DLG2: variants seen among roughly 807,000 people sequenced by gnomAD.
The protein encoded by DLG2 is disks large homolog 2.
Under a neutral mutation model 132.5 loss-of-function variants are expected in DLG2, and 45 were observed. The ratio of observed to expected loss-of-function variants is 0.34; its 90% CI spans 0.27 to 0.44. The LOEUF is 0.44. Among genes scored for constraint, DLG2 ranks in the 20% least tolerant of loss-of-function variants. The pLI, the probability that DLG2 is intolerant of heterozygous loss-of-function variation, is 1.00. For missense variants in DLG2, 1,045 were observed against 1,196.9 expected (o/e 0.87, Z 1.87); for synonymous variants, 424 against 419.6 (o/e 1.01, Z -0.13).
rs112028575 is a variant in DLG2, at chr11:83,610,080, A to G, written c.1940+23131T>C. 3.6e-3 allele frequency among the ~76,000 whole-genome samples: 543 copies of G among 152,308 alleles called. 3 individuals are homozygous for G. Among genetic ancestry groups the G allele is most frequent in the African/African-American group, 0.013 (527 of 41,570 alleles). ...GTAAAAATATTGAAATGCTACTGGT[A>G]AGAATGTCCCCTTTTCATGTCCAGT... On this transcript the variant is annotated intron_variant, in intron 19 of 27. Coordinates refer to ENST00000376104, the MANE Select transcript of DLG2 (RefSeq NM_001142699.3).
At chr11:85,287,869 C>T (rs2078657936) in intron 3 of DLG2, among the ~76,000 whole-genome samples, 1 of 151,950 alleles carries the variant, frequency 6.6e-6, no homozygotes, top group South Asian at 2.1e-4. Context: ...GTGAATAAAG[C>T]AAGTTGCAAT....
intron 10 of DLG2, among the ~76,000 whole-genome samples, chr11:84,095,030 A>T (rs1378774051): frequency 6.6e-6 from 1 of 152,144 alleles, no homozygotes. Flanking sequence ...CCTATTTTTT[A>T]AAAATGGTCT....
chr11:84,806,375 A>G (rs1394285283), intron 6 of DLG2, among the ~76,000 whole-genome samples: 1 of 152,218 alleles, frequency 6.6e-6, no homozygotes, highest in Non-Finnish European at 1.5e-5. Context: ...TGTGCAGGCA[A>G]TGATACATTA....
At chr11:85,132,078 T>C (rs949599237) in intron 5 of DLG2, among the ~76,000 whole-genome samples, 4 of 152,154 alleles carry the variant, frequency 2.6e-5, no homozygotes, top group Non-Finnish European at 4.4e-5. Context: ...CAGAATAAAA[T>C]AAAATGCTTT....
In DLG2 at chr11:85,347,967, C is replaced by CTTTTTTTTT. The variant is rs35083224; in HGVS notation, c.41-62611_41-62603dup. Among the ~76,000 whole-genome samples the CTTTTTTTTT allele has an allele frequency of 5.0e-5, 2 of 40,366 alleles. 1 individual carries two copies. Among genetic ancestry groups the CTTTTTTTTT allele is most frequent in the Admixed American group, 7.6e-4 (2 of 2,618 alleles). The allele number at this position is 40,366 out of a possible 152,430, so 26.5% of individuals were successfully genotyped here. A position where few individuals can be genotyped will look rare whatever the true frequency, so the allele number is the denominator to read the frequency against. On this transcript the variant is annotated intron_variant, in intron 3 of 27. Coordinates refer to ENST00000376104, the MANE Select transcript of DLG2 (RefSeq NM_001142699.3). ...TACAGACTCATGCCACCACACTTAA[C>CTTTTTTTTT]TTTTTTTTTTTTTTTTTTTTTTTTT...
At chr11:84,460,888 T>G (rs538235724) in intron 7 of DLG2, among the ~76,000 whole-genome samples, 1 of 150,872 alleles carries the variant, frequency 6.6e-6, no homozygotes, top group South Asian at 2.1e-4. Context: ...TAAATCCACA[T>G]TCTAAGTGAA....
chr11:85,317,231 A>T (rs2080746330), intron 3 of DLG2, among the ~76,000 whole-genome samples: 1 of 151,974 alleles, frequency 6.6e-6, no homozygotes, highest in Admixed American at 6.6e-5. Flanking sequence ...AAAGCTGCAG[A>T]CATAGACGGG....
At chr11:84,948,395 T>TGGCA (rs1207052407) in intron 6 of DLG2, among the ~76,000 whole-genome samples, 3 of 152,218 alleles carry the variant, frequency 2.0e-5, no homozygotes, top group Non-Finnish European at 2.9e-5. Context: ...TAAGCCCTGA[T>TGGCA]GGCAGTCATG....
chr11:84,913,649 TCATATA>T (rs2154078883), intron 6 of DLG2, among the ~76,000 whole-genome samples: 1 of 152,288 alleles, frequency 6.6e-6, no homozygotes, highest in African/African-American at 2.4e-5. Flanking sequence ...AGACATGCAT[TCATATA>T]CATATATATA....
chr11:84,234,418 G>A (rs563514687), intron 8 of DLG2, among the ~76,000 whole-genome samples: 6 of 152,226 alleles, frequency 3.9e-5, no homozygotes, highest in Middle Eastern at 3.4e-3. Flanking sequence ...GCAGAACCCC[G>A]TATGGATTCA....
intron 18 of DLG2, among the ~76,000 whole-genome samples, chr11:83,698,429 C>T (rs2082294651): frequency 6.6e-6 from 1 of 152,082 alleles, no homozygotes; most frequent in African/African-American, 2.4e-5. Context: ...TGTGAGTGAA[C>T]CTGAACTGTA....
intron 19 of DLG2, among the ~76,000 whole-genome samples, chr11:83,577,536 C>T (rs1285044448): frequency 3.2e-5 from 3 of 94,320 alleles, no homozygotes; most frequent in Non-Finnish European, 5.6e-5. Flanking sequence ...AGTCAGGGTT[C>T]CCTAGAGGGA....
chr11:84,937,754 T>A (rs979333847), intron 6 of DLG2, among the ~76,000 whole-genome samples: 1 of 152,176 alleles, frequency 6.6e-6, no homozygotes, highest in Non-Finnish European at 1.5e-5. Context: ...GTAAAGGGAA[T>A]TGAAATTTGA....
intron 10 of DLG2, among the ~76,000 whole-genome samples, chr11:84,093,916 T>C (rs1351592237): frequency 6.6e-6 from 1 of 151,902 alleles, no homozygotes; most frequent in Non-Finnish European, 1.5e-5. Flanking sequence ...CGCCTATTCG[T>C]GAGTGGCATT....
chr11:84,630,732 T>A (rs187131149), intron 6 of DLG2, among the ~76,000 whole-genome samples: 1 of 152,258 alleles, frequency 6.6e-6, no homozygotes, highest in East Asian at 1.9e-4. Context: ...TTCACCTCAA[T>A]ATTATTCTGA....
At chr11:84,697,481 AT>A (rs910059321) in intron 6 of DLG2, among the ~76,000 whole-genome samples, 1 of 151,450 alleles carries the variant, frequency 6.6e-6, no homozygotes, top group Admixed American at 6.6e-5. Context: ...TCAAAAACTA[AT>A]TTTTTTTAGA....
At chr11:84,703,048 T>C (rs999864978) in intron 6 of DLG2, among the ~76,000 whole-genome samples, 5 of 151,724 alleles carry the variant, frequency 3.3e-5, no homozygotes, top group Admixed American at 2.6e-4. Flanking sequence ...AACAGGGAGT[T>C]TATACTTGTA....
At chr11:83,849,080 T>C (rs1053392723) in intron 16 of DLG2, among the ~76,000 whole-genome samples, 1 of 152,196 alleles carries the variant, frequency 6.6e-6, no homozygotes, top group Non-Finnish European at 1.5e-5. Context: ...CAGTAGTTAA[T>C]TACCCAGCTT....
chr11:85,094,367 A>C (rs969048027), intron 6 of DLG2, among the ~76,000 whole-genome samples: 3 of 152,194 alleles, frequency 2.0e-5, no homozygotes, highest in Admixed American at 6.5e-5. Context: ...CTGTCCTTTG[A>C]AGTGACTTTT....
Sources: allele counts gnomAD v4.1 joint callset (sites outside exome capture counted in the v4.1 genomes callset), GRCh38; gene constraint gnomAD v4.1.1; transcripts MANE v1.5; gene names NCBI Gene and HGNC (gene_info 2026-07-23, HGNC 2026-07-21).